PBX1: variants seen among roughly 807,000 people sequenced by gnomAD.
PBX1 encodes the protein pre-B-cell leukemia transcription factor 1.
A neutral mutation model predicts 53.4 loss-of-function variants in PBX1; 6 were observed. That is an observed-to-expected ratio of 0.11 (90% confidence interval 0.06 to 0.22). PBX1 has a LOEUF of 0.22. PBX1 is among the 10% of genes least tolerant of loss of function. PBX1 has a pLI of 1.00. For synonymous variants in PBX1, 204 were observed against 212.3 expected (o/e 0.96, Z 0.34); for missense variants, 251 against 551.4 (o/e 0.46, Z 5.46).
intron 4 of PBX1, among the ~76,000 whole-genome samples, chr1:164,804,187 C>A (rs61329599): frequency 2.7e-4 from 41 of 152,230 alleles, no homozygotes; most frequent in Non-Finnish European, 5.0e-4. Flanking sequence ...AGCCTGTGCT[C>A]CTCAAACTGG....
In PBX1 at chr1:164,792,597, C is replaced by T. The variant is rs746943837; in HGVS notation, c.369C>T (p.Gly123=). Residue 123 remains glycine, a synonymous_variant, in exon 3 of 9, where the codon GGC becomes GGT. Coordinates refer to ENST00000420696, the MANE Select transcript of PBX1 (RefSeq NM_002585.4). ...LAEGVAGPEK[G]GGSAAAAAAA... is the part of the protein sequence containing the mutation. ...AAGGCGTGGCGGGGCCTGAGAAGGG[C>T]GGAGGGTCGGCGGCAGCGGCGGCAG... 5.6e-6 allele frequency: 9 copies of T among 1,613,590 alleles called. No homozygotes were observed. The highest frequency in any genetic ancestry group is 2.2e-5 in the East Asian group (1 of 44,888).
intron 8 of PBX1, among the ~76,000 whole-genome samples, chr1:164,824,483 G>T (rs1266303082): frequency 1.3e-5 from 2 of 152,178 alleles, no homozygotes; most frequent in Admixed American, 1.3e-4. Flanking sequence ...CCACATGAAT[G>T]CAGTATGAAA....
chr1:164,881,644 AGTG>A (rs1330438224), intron 2 of PBX1, among the ~76,000 whole-genome samples: 1 of 149,992 alleles, frequency 6.7e-6, no homozygotes, highest in Non-Finnish European at 1.5e-5. Flanking sequence ...GGGGAGGAAA[AGTG>A]GGGAAAAAGA....
chr1:164,565,206 TATA>T (rs1275310748), intron 2 of PBX1, among the ~76,000 whole-genome samples: 1 of 152,104 alleles, frequency 6.6e-6, no homozygotes, highest in African/African-American at 2.4e-5. Flanking sequence ...TTGGCTCAAG[TATA>T]ATGATAGGAA....
At chr1:164,614,642 T>TA (rs1657149180) in intron 2 of PBX1, among the ~76,000 whole-genome samples, 1 of 152,136 alleles carries the variant, frequency 6.6e-6, no homozygotes, top group Admixed American at 6.5e-5. Context: ...AAGCAGATCA[T>TA]AAAAAAATGG....
intron 2 of PBX1, among the ~76,000 whole-genome samples, chr1:164,708,050 T>G (rs1663545770): frequency 6.6e-6 from 1 of 152,170 alleles, no homozygotes; most frequent in South Asian, 2.1e-4. Context: ...TTTCCACACC[T>G]GTCCCCATCT....
At chr1:164,874,027 G>A (rs1000375972) in intron 2 of PBX1, among the ~76,000 whole-genome samples, 12 of 146,092 alleles carry the variant, frequency 8.2e-5, no homozygotes, top group Non-Finnish European at 1.7e-4. Flanking sequence ...AAAAGAAAAA[G>A]AGGCATGAAA....
At chr1:164,626,525 A>G (rs1325116148) in intron 2 of PBX1, among the ~76,000 whole-genome samples, 1 of 152,192 alleles carries the variant, frequency 6.6e-6, no homozygotes, top group Non-Finnish European at 1.5e-5. Flanking sequence ...TAGGAAAGGC[A>G]ATGATGTGAT....
intron 2 of PBX1, among the ~76,000 whole-genome samples, chr1:164,785,117 AG>A (rs1186873537): frequency 6.6e-6 from 1 of 152,208 alleles, no homozygotes; most frequent in East Asian, 1.9e-4. Flanking sequence ...TGCAGCATCC[AG>A]GGTCTCCACT....
At chr1:164,681,473 T>A (rs1661770638) in intron 2 of PBX1, among the ~76,000 whole-genome samples, 1 of 152,192 alleles carries the variant, frequency 6.6e-6, no homozygotes, top group South Asian at 2.1e-4. Context: ...TATTAAGATA[T>A]TAATTTCAAG....
chr1:164,857,087 T>C (rs1471992403), intron 2 of PBX1, among the ~76,000 whole-genome samples: 11 of 152,140 alleles, frequency 7.2e-5, no homozygotes, highest in Non-Finnish European at 4.4e-5. Flanking sequence ...CGGAATTAGC[T>C]TCAGACTCCT....
chr1:164,686,118 C>T (rs536973760), intron 2 of PBX1, among the ~76,000 whole-genome samples: 4 of 152,262 alleles, frequency 2.6e-5, no homozygotes, highest in East Asian at 1.9e-4. Flanking sequence ...ACCTACAGGG[C>T]GGGGAACTTA....
intron 2 of PBX1, among the ~76,000 whole-genome samples, chr1:164,766,061 A>G (rs533159294): frequency 9.2e-5 from 14 of 152,334 alleles, no homozygotes; most frequent in African/African-American, 3.1e-4. Context: ...TCAGAAAAGC[A>G]GTACATGCAG....
chr1:164,590,431 T>A (rs951460572), intron 2 of PBX1: 5 of 455,814 alleles, frequency 1.1e-5, no homozygotes, highest in Admixed American at 4.7e-5. Flanking sequence ...CCCCTGTGCT[T>A]CAGGTAAACA....
In PBX1 at chr1:164,620,234, T is replaced by C. The variant is rs942461662; in HGVS notation, c.265+56923T>C. On this transcript the variant is annotated intron_variant, in intron 2 of 8. Coordinates refer to ENST00000420696, the MANE Select transcript of PBX1 (RefSeq NM_002585.4). ...AAAAACATGAACTTCTTTTAAAAAA[T>C]TTGTATTAAGGTACTTTAAAAACAC... is the stretch of plus-strand genomic sequence containing the variant. Among the ~76,000 whole-genome samples the C allele has an allele frequency of 2.6e-5, 4 of 152,090 alleles. No individual in the cohort carries two copies. The South Asian group carries it at 6.2e-4, about 24-fold the overall frequency.
At chr1:164,768,547 T>C (rs116346712) in intron 2 of PBX1, among the ~76,000 whole-genome samples, 14 of 152,384 alleles carry the variant, frequency 9.2e-5, no homozygotes, top group Non-Finnish European at 1.9e-4. Flanking sequence ...CTTGGATTTA[T>C]AGATTGCAAC....
chr1:164,843,793 T>A (rs900039957), intron 8 of PBX1, among the ~76,000 whole-genome samples: 1 of 152,164 alleles, frequency 6.6e-6, no homozygotes, highest in Non-Finnish European at 1.5e-5. Flanking sequence ...TTGAGTTATT[T>A]CAGGTCTGGG....
At chr1:164,612,280 T>A (rs1256957219) in intron 2 of PBX1, among the ~76,000 whole-genome samples, 1 of 152,186 alleles carries the variant, frequency 6.6e-6, no homozygotes, top group Non-Finnish European at 1.5e-5. Flanking sequence ...CTGCCCCTTT[T>A]AATGCAATTT....
At chr1:164,657,624 A>G (rs935636600) in intron 2 of PBX1, among the ~76,000 whole-genome samples, 17 of 152,230 alleles carry the variant, frequency 1.1e-4, no homozygotes, top group Non-Finnish European at 2.2e-4. Flanking sequence ...CATTGGATGT[A>G]GAGTGCATTA....
Sources: allele counts gnomAD v4.1 joint callset (sites outside exome capture counted in the v4.1 genomes callset), GRCh38; gene constraint gnomAD v4.1.1; transcripts MANE v1.5; gene names NCBI Gene and HGNC (gene_info 2026-07-23, HGNC 2026-07-21).